Variants in CGGBP1 observed in about 807,000 individuals in gnomAD.
CGGBP1 encodes the protein CGG triplet repeat binding protein 1.
Under a neutral mutation model 11.4 loss-of-function variants are expected in CGGBP1, and 4 were observed. That is an observed-to-expected ratio of 0.35 (90% CI 0.17 to 0.80). The LOEUF (loss-of-function observed/expected upper bound fraction) is 0.80. Ranked by LOEUF, CGGBP1 falls within the 30% of genes least tolerant of loss-of-function variation. The pLI, the probability that CGGBP1 is intolerant of heterozygous loss-of-function variation, is 0.52. For synonymous variants in CGGBP1, 76 were observed against 74.1 expected (o/e 1.03, Z -0.13); for missense variants, 135 against 202.1 (o/e 0.67, Z 2.01).
intron 2 of CGGBP1, among the ~76,000 whole-genome samples, chr3:88,110,986 T>C (rs994385538): frequency 9.2e-5 from 14 of 152,180 alleles, no homozygotes; most frequent in Middle Eastern, 3.4e-3. Flanking sequence ...GCATGCACAC[T>C]ACCATCTGTG....
At chr3:88,099,952 A>G (rs898972940) in intron 2 of CGGBP1, among the ~76,000 whole-genome samples, 1 of 152,240 alleles carries the variant, frequency 6.6e-6, no homozygotes, top group Non-Finnish European at 1.5e-5. Flanking sequence ...GGCAATGGCA[A>G]CAAAAGCCAA....
chr3:88,074,361 A>G (rs1213358938), intron 2 of CGGBP1, among the ~76,000 whole-genome samples: 5 of 32,640 alleles, frequency 1.5e-4, no homozygotes, highest in African/African-American at 3.7e-4. Context: ...TTTTTTTTTG[A>G]GACTGAGTCT....
chr3:88,053,399 T>C lies in CGGBP1; in HGVS notation c.*2074A>G, dbSNP rs1428743684. 17 of 152,162 alleles carry C rather than the reference T, an allele frequency of 1.1e-4. No individual in the cohort carries two copies. The highest frequency in any genetic ancestry group is 8.3e-4 in the South Asian group (4 of 4,826). 9.4% of individuals were successfully genotyped at this position (152,162 alleles called of 1,614,324 possible). On this transcript the variant is annotated 3_prime_UTR_variant, in exon 4 of 4. Coordinates refer to ENST00000482016, the MANE Select transcript of CGGBP1 (RefSeq NM_001008390.2). ...ACTATGCCCCTAGTTACAGTGAATG[T>C]GGGAATTAATTAGGAGTCTGAAAAA... is the stretch of plus-strand genomic sequence containing the variant.
chr3:88,135,457 G>T, intron 2 of CGGBP1: 1 of 256,180 alleles, frequency 3.9e-6, no homozygotes, highest in South Asian at 1.5e-4. Flanking sequence ...TTAAATATTT[G>T]TTACTTTCAA....
intron 2 of CGGBP1, among the ~76,000 whole-genome samples, chr3:88,065,275 T>C (rs1707130712): frequency 6.6e-6 from 1 of 150,648 alleles, no homozygotes; most frequent in South Asian, 2.1e-4. Context: ...GCTAAATCCT[T>C]TTTTTTTTGT....
chr3:88,059,376 C>T (rs1482382142), upstream of CGGBP1: 1 of 1,535,296 alleles, frequency 6.5e-7, no homozygotes, highest in Admixed American at 2.0e-5. Flanking sequence ...AGCTTGTGGC[C>T]ATTGTGGAGT....
At chr3:88,118,097 T>C (rs552866368) in intron 2 of CGGBP1, among the ~76,000 whole-genome samples, 30 of 152,238 alleles carry the variant, frequency 2.0e-4, no homozygotes, top group African/African-American at 6.7e-4. Flanking sequence ...CTAAAAGTCT[T>C]ACTACCAAAG....
chr3:88,119,753 T>C (rs931581857), intron 2 of CGGBP1, among the ~76,000 whole-genome samples: 7 of 152,104 alleles, frequency 4.6e-5, no homozygotes, highest in African/African-American at 1.7e-4. Flanking sequence ...ATGATGACAG[T>C]TGTTAGAACA....
At chr3:88,059,652 T>A, upstream of CGGBP1, 16 of 716,326 alleles carry the variant, frequency 2.2e-5, no homozygotes, top group Non-Finnish European at 2.8e-5. Context: ...CTCCTCCACT[T>A]ATCCGGCTTG....
At chr3:88,149,193 G>GC (rs1488902202) in intron 1 of CGGBP1, among the ~76,000 whole-genome samples, 1 of 152,144 alleles carries the variant, frequency 6.6e-6, no homozygotes, top group African/African-American at 2.4e-5. Context: ...TTTAGTAAGA[G>GC]CCCCATGCAC....
intron 2 of CGGBP1, among the ~76,000 whole-genome samples, chr3:88,070,751 G>A (rs928122502): frequency 2.0e-5 from 3 of 151,888 alleles, no homozygotes; most frequent in Admixed American, 6.6e-5. Flanking sequence ...CTAGATTCTC[G>A]TTTATCCTTT....
chr3:88,111,419 C>T (rs1486988098), intron 2 of CGGBP1, among the ~76,000 whole-genome samples: 1 of 151,782 alleles, frequency 6.6e-6, no homozygotes, highest in African/African-American at 2.4e-5. Flanking sequence ...TGACCCCTCA[C>T]CTCCATTCCC....
intron 2 of CGGBP1, among the ~76,000 whole-genome samples, chr3:88,088,812 G>A (rs1708482007): frequency 1.3e-5 from 2 of 151,778 alleles, no homozygotes; most frequent in Admixed American, 6.6e-5. Flanking sequence ...TGGCTCTGTC[G>A]CCTAGGTTGG....
intron 1 of CGGBP1, chr3:88,141,200 A>C (rs958588610): frequency 1.2e-6 from 1 of 852,610 alleles, no homozygotes; most frequent in Non-Finnish European, 1.7e-6. Flanking sequence ...TAATACATAC[A>C]ACCACTATGA....
chr3:88,056,489 T>C (rs1233307966), intron 3 of CGGBP1: 1 of 151,736 alleles, frequency 6.6e-6, no homozygotes, highest in Non-Finnish European at 1.5e-5. Flanking sequence ...CATAATTCTA[T>C]ATGAAGATGA....
intron 2 of CGGBP1, among the ~76,000 whole-genome samples, chr3:88,133,261 A>G (rs530079129): frequency 5.8e-4 from 88 of 152,298 alleles, no homozygotes; most frequent in Non-Finnish European, 6.5e-4. Context: ...AGCATGGCTC[A>G]TTGAATTGGG....
Position 88,052,844 on chromosome 3 carries a change from C to T in CGGBP1, c.*2629G>A, listed in dbSNP as rs1706458567. 1 of 152,506 alleles carries T rather than the reference C, an allele frequency of 6.6e-6. No individual in the cohort carries two copies. Among genetic ancestry groups the T allele is most frequent in the African/African-American group, 2.4e-5 (1 of 41,386 alleles). The allele number at this position is 152,506 out of a possible 1,614,324, so 9.4% of individuals were successfully genotyped here. On this transcript the variant is annotated 3_prime_UTR_variant, in exon 4 of 4. Coordinates refer to ENST00000482016, the MANE Select transcript of CGGBP1 (RefSeq NM_001008390.2). ...CCTTCAGGCTTGTTATACACCCCCA[C>T]AGAATCAAGAAGAAAGCCAACAAAG...
At chr3:88,071,011 G>A (rs1184098680) in intron 2 of CGGBP1, among the ~76,000 whole-genome samples, 3 of 152,152 alleles carry the variant, frequency 2.0e-5, no homozygotes, top group East Asian at 1.9e-4. Context: ...CGTAGGTAGA[G>A]AGTTGTGAGA....
At chr3:88,084,087 T>G (rs1414586042) in intron 2 of CGGBP1, among the ~76,000 whole-genome samples, 2 of 152,192 alleles carry the variant, frequency 1.3e-5, no homozygotes, top group Non-Finnish European at 2.9e-5. Context: ...TATGTCCCTT[T>G]CAGGGTATTG....
Sources: gnomAD v4.1 joint callset for allele counts (sites outside exome capture counted in the v4.1 genomes callset) on GRCh38, gnomAD v4.1.1 for gene constraint, MANE v1.5 for transcripts, NCBI Gene and HGNC (gene_info 2026-07-23, HGNC 2026-07-21) for gene names.